FERMT2: variants seen among roughly 807,000 people sequenced by gnomAD.
FERMT2 encodes the protein fermitin family homolog 2.
In FERMT2, 15 loss-of-function variants were observed where a neutral mutation model predicts 82.7. That is an observed-to-expected ratio of 0.18 (90% CI 0.12 to 0.28). The LOEUF (loss-of-function observed/expected upper bound fraction) is 0.28. Ranked by LOEUF, FERMT2 falls within the 10% of genes least tolerant of loss-of-function variation. The pLI is 1.00. For missense variants in FERMT2, 645 were observed against 809.4 expected (o/e 0.80, Z 2.46); for synonymous variants, 274 against 271.5 (o/e 1.01, Z -0.09).
intron 3 of FERMT2, among the ~76,000 whole-genome samples, chr14:52,899,267 T>C (rs1405765895): frequency 6.6e-6 from 1 of 151,492 alleles, no homozygotes; most frequent in East Asian, 1.9e-4. Context: ...CTGTAGGCAA[T>C]TCTGATTCCA....
At chr14:52,932,703 C>T (rs758917159) in intron 2 of FERMT2, among the ~76,000 whole-genome samples, 1 of 152,134 alleles carries the variant, frequency 6.6e-6, no homozygotes, top group African/African-American at 2.4e-5. Flanking sequence ...TGAGTCATTC[C>T]TCTCTTCCTT....
chr14:52,902,878 A>AAAC (rs1555370274), intron 3 of FERMT2, among the ~76,000 whole-genome samples: 4 of 138,652 alleles, frequency 2.9e-5, no homozygotes, highest in Non-Finnish European at 6.2e-5. Flanking sequence ...CAAAAAAAAA[A>AAAC]AAAAAAAAAA....
rs113812655 is a variant in FERMT2, at chr14:52,881,312, C to T, written c.684G>A (p.Thr228=). The T allele has an allele frequency of 3.9e-4, 633 of 1,613,974 alleles. 6 individuals are homozygous for T. In the African/African-American group the frequency reaches 7.5e-3, roughly 19 times the overall value. Residue 228 remains threonine, a synonymous_variant, in exon 5 of 15, where the codon ACG becomes ACA. Coordinates refer to ENST00000341590, the MANE Select transcript of FERMT2 (RefSeq NM_006832.3). ...PGILAVSQPI[T]SPEILAKMFK... ...ACATTTTTGCCAAGATTTCTGGTGA[C>T]GTGATTGGTTGACTGACAGCAAGTA...
At chr14:52,878,484 C>T (rs753871170) in intron 7 of FERMT2, 98 bp downstream of exon 7, 54 of 753,478 alleles carry the variant, frequency 7.2e-5, no homozygotes, top group Middle Eastern at 2.3e-4. Context: ...AATTCTGTCT[C>T]GTGAAATGTT....
chr14:52,893,345 C>T lies in FERMT2; in HGVS notation c.474G>A (p.Gln158=), dbSNP rs779741980. 32 of 1,613,056 alleles carry T rather than the reference C, an allele frequency of 2.0e-5. No homozygotes were observed. The highest frequency in any genetic ancestry group is 1.6e-4 in the Middle Eastern group (1 of 6,076). Residue 158 remains glutamine (Q), a synonymous_variant, in exon 4 of 15, where the codon CAG becomes CAA. Coordinates refer to ENST00000341590, the MANE Select transcript of FERMT2 (RefSeq NM_006832.3). ...TKKKKKKLDD[Q]SEDEALELEG... ...CTAATTCAAGTGCCTCATCTTCAGA[C>T]TGGTCATCTAGCTTCTTCTTTTTTT...
At chr14:52,919,059 T>G in intron 3 of FERMT2, 64 bp downstream of exon 3, 2 of 1,117,594 alleles carry the variant, frequency 1.8e-6, no homozygotes, top group Non-Finnish European at 2.7e-6. Flanking sequence ...ATAAGCTATG[T>G]CAGTCATCGG....
At chr14:52,894,286 A>T (rs531058670) in intron 3 of FERMT2, among the ~76,000 whole-genome samples, 62 of 152,280 alleles carry the variant, frequency 4.1e-4, no homozygotes, top group East Asian at 9.6e-4. Context: ...ACACACACAC[A>T]ATATATATTG....
intron 3 of FERMT2, among the ~76,000 whole-genome samples, chr14:52,902,884 AAAAAAAAC>A (rs1374982362): frequency 2.0e-4 from 28 of 141,178 alleles, no homozygotes; most frequent in East Asian, 1.4e-3. Flanking sequence ...AAAAAAAAAA[AAAAAAAAC>A]CCCAAAACAC....
intron 2 of FERMT2, among the ~76,000 whole-genome samples, chr14:52,938,297 T>C (rs17125953): frequency 0.021 from 3,211 of 152,280 alleles, 78 homozygotes; most frequent in East Asian, 0.074. Flanking sequence ...ATACTGAAAA[T>C]CACAGTTGAA....
chr14:52,863,653 TG>T (rs1344383358), intron 12 of FERMT2: 5 of 152,186 alleles, frequency 3.3e-5, no homozygotes, highest in African/African-American at 9.6e-5. Flanking sequence ...TTTACCAAAC[TG>T]TGTAACTATG....
chr14:52,881,549 AAAGCAC>A, intron 4 of FERMT2, 80 bp from the exon 5 acceptor site: 1 of 1,102,662 alleles, frequency 9.1e-7, no homozygotes. Flanking sequence ...ATTATGATAT[AAAGCAC>A]ATTGTGAAAC....
At chr14:52,884,208 A>G (rs1566728832) in intron 4 of FERMT2, among the ~76,000 whole-genome samples, 1 of 152,246 alleles carries the variant, frequency 6.6e-6, no homozygotes, top group Non-Finnish European at 1.5e-5. Context: ...AGCGTTCACA[A>G]CAACTCTATT....
intron 3 of FERMT2, among the ~76,000 whole-genome samples, chr14:52,908,793 A>G (rs538885387): frequency 1.3e-5 from 2 of 152,336 alleles, no homozygotes; most frequent in South Asian, 4.1e-4. Flanking sequence ...AAAAGGATAA[A>G]TAAAATTAAA....
chr14:52,893,474 C>G (rs1424656323), intron 3 of FERMT2, 47 bp from the exon 4 acceptor site: 1 of 1,357,774 alleles, frequency 7.4e-7, no homozygotes, highest in Non-Finnish European at 1.0e-6. Flanking sequence ...AAAATTTAAA[C>G]ATTTTACACT....
At chr14:52,870,461 C>T (rs903708011) in intron 10 of FERMT2, among the ~76,000 whole-genome samples, 6 of 152,160 alleles carry the variant, frequency 3.9e-5, no homozygotes, top group African/African-American at 1.2e-4. Flanking sequence ...GTTGGTCAGG[C>T]TGGTCTCCAA....
At chr14:52,917,219 C>T (rs1009271286) in intron 3 of FERMT2, among the ~76,000 whole-genome samples, 16 of 151,896 alleles carry the variant, frequency 1.1e-4, no homozygotes, top group Admixed American at 5.9e-4. Context: ...AAAATACCTA[C>T]GTGGTAATGG....
intron 3 of FERMT2, among the ~76,000 whole-genome samples, chr14:52,913,714 A>AGT (rs1566746975): frequency 1.3e-5 from 2 of 152,032 alleles, no homozygotes; most frequent in Non-Finnish European, 2.9e-5. Context: ...TAGTAGTAGT[A>AGT]ATGAAAGACC....
intron 4 of FERMT2, among the ~76,000 whole-genome samples, chr14:52,892,738 G>T (rs1887020076): frequency 6.6e-6 from 1 of 152,194 alleles, no homozygotes; most frequent in African/African-American, 2.4e-5. Flanking sequence ...TTACAGGCGT[G>T]AGCCACCGCG....
chr14:52,935,858 C>G (rs776704821), intron 2 of FERMT2, among the ~76,000 whole-genome samples: 1 of 152,190 alleles, frequency 6.6e-6, no homozygotes, highest in Non-Finnish European at 1.5e-5. Flanking sequence ...TAATGTCTAT[C>G]AATTTCAATC....
Sources: allele counts gnomAD v4.1 joint callset (sites outside exome capture counted in the v4.1 genomes callset), GRCh38; gene constraint gnomAD v4.1.1; transcripts MANE v1.5; gene names NCBI Gene and HGNC (gene_info 2026-07-23, HGNC 2026-07-21).